OTOF: variants seen among roughly 807,000 people sequenced by gnomAD.
The protein encoded by OTOF is fer-1-like family member 2.
In OTOF, 218 loss-of-function variants were observed where a neutral mutation model predicts 236.8. The observed-to-expected ratio is 0.92, with a 90% CI of 0.82 to 1.03. OTOF has a LOEUF of 1.03. Ranked by LOEUF, OTOF falls within the 50% of genes least tolerant of loss-of-function variation. The probability of loss-of-function intolerance (pLI) is 0.00; values close to 1 mark genes in which losing one functional copy is unlikely to be tolerated. For missense variants in OTOF, 2,590 were observed against 2,694.4 expected (o/e 0.96, Z 0.86); for synonymous variants, 1,041 against 1,072.5 (o/e 0.97, Z 0.57).
chr2:26,553,829 C>T (rs764976094), intron 1 of OTOF, among the ~76,000 whole-genome samples: 5 of 152,300 alleles, frequency 3.3e-5, no homozygotes, highest in African/African-American at 7.2e-5. Context: ...GGCTTACACA[C>T]GCAATCCCTC....
At chr2:26,531,470 A>C (rs2148116600) in intron 2 of OTOF, among the ~76,000 whole-genome samples, 1 of 152,278 alleles carries the variant, frequency 6.6e-6, no homozygotes, top group Middle Eastern at 3.4e-3. Context: ...CGTAAGTGAC[A>C]CAGCACGGCA....
In OTOF at chr2:26,494,773, A is replaced by G. The variant is rs939814; in HGVS notation, c.897+169T>C. Among the ~76,000 whole-genome samples the G allele has an allele frequency of 0.62, 94,704 of 151,894 alleles. 31,420 individuals are homozygous for G. The highest frequency in any genetic ancestry group is 0.91 in the East Asian group (4,673 of 5,152). ...GACTGGGGGGTTCAGAGGATTCAGAAGATGTGGCTCTGTTTGTCAGTGTCC... is the reference window on the plus strand; with the variant it reads ...GACTGGGGGGTTCAGAGGATTCAGAGGATGTGGCTCTGTTTGTCAGTGTCC... On this transcript the variant is annotated intron_variant, in intron 9 of 46. Coordinates refer to ENST00000272371, the MANE Select transcript of OTOF (RefSeq NM_194248.3).
At chr2:26,523,950 C>T (rs561974604) in intron 3 of OTOF, among the ~76,000 whole-genome samples, 10 of 152,214 alleles carry the variant, frequency 6.6e-5, no homozygotes, top group South Asian at 6.2e-4. Flanking sequence ...CTCTCCCACT[C>T]TGACCCCCAC....
At position 26,463,991 on chromosome 2, in the gene OTOF, G is replaced by A. The variant is rs1294737801; in HGVS notation, c.5076C>T (p.Leu1692=). The stretch of plus-strand genomic sequence containing the variant: ...GCTCGATGCCCGGCTTGTCGGGGTT[G>A]AGCAGCGGCCTCGTCTCCACATGCT... ...VPEHVETRPL[L]NPDKPGIEQG... is the part of the protein sequence containing the mutation. Residue 1692 remains leucine (L), a synonymous_variant, in exon 40 of 47, where the codon CTC becomes CTT. Transcript: ENST00000272371. The A allele has an allele frequency of 2.5e-6, 4 of 1,613,680 alleles. No individual in the cohort carries two copies. The highest frequency in any genetic ancestry group is 1.3e-5 in the African/African-American group (1 of 74,932).
At position 26,477,768 on chromosome 2, in the gene OTOF, G is replaced by C. The variant is rs111033427; in HGVS notation, c.2215-19C>G. On this transcript the variant is annotated intron_variant, in intron 18 of 46. Coordinates refer to ENST00000272371, the MANE Select transcript of OTOF (RefSeq NM_194248.3). This position sits in a 1 kb window ranked among gnomAD's most constrained non-coding sequence, Gnocchi z 4.7. ...CTTCTTCCTGTGAATCAGGAGTGTG[G>C]GTGATGCTGGGCCACAGCCCCGCCT... 5.3e-3 allele frequency: 8,484 copies of C among 1,612,286 alleles called. 34 individuals are homozygous for C. Among genetic ancestry groups the C allele is most frequent in the Admixed American group, 7.2e-3 (431 of 59,984 alleles).
At chr2:26,478,038 C>T in intron 18 of OTOF, 1 of 1,439,400 alleles carries the variant, frequency 6.9e-7, no homozygotes. Flanking sequence ...GGGCAGAACT[C>T]ACGGCTACGG....
chr2:26,465,733 G>A lies in OTOF; in HGVS notation c.4738C>T (p.Leu1580=). 1.2e-6 allele frequency: 2 copies of A among 1,614,274 alleles called. No individual in the cohort carries two copies. Among genetic ancestry groups the A allele is most frequent in the Non-Finnish European group, 1.7e-6 (2 of 1,180,048 alleles). The change falls in exon 38 of 47, where the codon CTG becomes TTG. Residue 1580 remains leucine, a synonymous_variant. Coordinates refer to ENST00000272371, the MANE Select transcript of OTOF (RefSeq NM_194248.3). ...TGCTTGCTGTAGAAGCGGTTCTCCAGGTCGATCTTGGTTTCCCCAATGAGG... is the reference window on the plus strand; with the variant it reads ...TGCTTGCTGTAGAAGCGGTTCTCCAAGTCGATCTTGGTTTCCCCAATGAGG... ...DDLIGETKID[L]ENRFYSKHRA...
intron 6 of OTOF, among the ~76,000 whole-genome samples, chr2:26,503,371 C>A (rs1307738923): frequency 2.0e-5 from 3 of 152,266 alleles, no homozygotes; most frequent in Admixed American, 1.3e-4. Flanking sequence ...AAAGGCCAGG[C>A]TGCAGCCTGG....
At chr2:26,533,531 G>T (rs1666999244) in intron 2 of OTOF, among the ~76,000 whole-genome samples, 1 of 151,944 alleles carries the variant, frequency 6.6e-6, no homozygotes, top group African/African-American at 2.4e-5. Flanking sequence ...GGTCTTCTTG[G>T]GCAATTCTCT....
intron 3 of OTOF, among the ~76,000 whole-genome samples, chr2:26,526,695 A>G (rs148479058): frequency 8.5e-4 from 129 of 152,272 alleles, no homozygotes; most frequent in Non-Finnish European, 1.6e-3. Context: ...TCAGATCAGG[A>G]GTGCTTTAAT....
intron 6 of OTOF, 47 bp from the exon 7 acceptor site, chr2:26,502,473 T>C (rs1324224168): frequency 1.9e-6 from 3 of 1,586,816 alleles, no homozygotes; most frequent in Non-Finnish European, 8.6e-7. Context: ...GATGGTGAGA[T>C]AGTGACCATT....
intron 5 of OTOF, among the ~76,000 whole-genome samples, chr2:26,514,377 C>A (rs1229440162): frequency 6.6e-6 from 1 of 152,268 alleles, no homozygotes; most frequent in Non-Finnish European, 1.5e-5. Flanking sequence ...GGTGGGGAAG[C>A]CACCAGGCTG....
chr2:26,544,462 T>C (rs1034370768), intron 1 of OTOF, among the ~76,000 whole-genome samples: 7 of 152,238 alleles, frequency 4.6e-5, no homozygotes, highest in Admixed American at 4.6e-4. Context: ...TGGCTTCTTT[T>C]GGTCAAGGTA....
chr2:26,477,230 C>G lies in OTOF; in HGVS notation c.2465G>C (p.Arg822Pro), dbSNP rs373681505. Reference protein sequence around the residue: ...LRAQVKRHTVRDKLRLCQNFL... With the variant: ...LRAQVKRHTVPDKLRLCQNFL... ...GTTCTGGCACAGCCTCAGCTTGTCC[C>G]GCACCGTGTGCCGCTTCACCTGGGC... is the stretch of plus-strand genomic sequence containing the variant. The change falls in exon 21 of 47, where the codon CGG becomes CCG. Residue 822 changes from arginine (R) to proline (P), a missense_variant. By Grantham distance (103) the Arg-to-Pro change is moderately radical (BLOSUM62 -2). Around this residue, in one of 2 missense-constraint regions of OTOF, gnomAD observed 1,379 missense variants for 1,341.6 expected, o/e 1.03. Coordinates refer to ENST00000272371, the MANE Select transcript of OTOF (RefSeq NM_194248.3). This position sits in a 1 kb window ranked among gnomAD's most constrained non-coding sequence, Gnocchi z 4.7. 6.2e-7 allele frequency: 1 copy of G among 1,610,058 alleles called. No individual in the cohort carries two copies. Among genetic ancestry groups the G allele is most frequent in the Non-Finnish European group, 8.5e-7 (1 of 1,179,350 alleles).
chr2:26,511,279 T>C (rs1266160239), intron 5 of OTOF, among the ~76,000 whole-genome samples: 1 of 151,908 alleles, frequency 6.6e-6, no homozygotes, highest in Non-Finnish European at 1.5e-5. Flanking sequence ...GGTCCTGCTA[T>C]GGAGTGCACA....
intron 5 of OTOF, among the ~76,000 whole-genome samples, chr2:26,504,672 G>C (rs1430836591): frequency 1.3e-5 from 2 of 152,174 alleles, no homozygotes; most frequent in Non-Finnish European, 1.5e-5. Flanking sequence ...AAAGGGGCAG[G>C]GGTCCTCACT....
At chr2:26,502,030 AG>A (rs1666126323) in intron 7 of OTOF, among the ~76,000 whole-genome samples, 4 of 152,286 alleles carry the variant, frequency 2.6e-5, no homozygotes, top group Admixed American at 2.6e-4. Flanking sequence ...TGGGGTCAAT[AG>A]GTTCAAATAT....
At chr2:26,489,093 G>A (rs888876075) in intron 11 of OTOF, 118 bp downstream of exon 11, 25 of 756,392 alleles carry the variant, frequency 3.3e-5, no homozygotes, top group Admixed American at 1.2e-4. Flanking sequence ...ACTAACAGTC[G>A]CCAGACTGTG....
Position 26,463,617 on chromosome 2 carries a change from G to A in OTOF, c.5104-46C>T, listed in dbSNP as rs566114235. On this transcript the variant is annotated intron_variant, in intron 40 of 46. Transcript: ENST00000272371. ...AGATCTCCCAGGGCCTTCTCCCTCT[G>A]CCCAGGAAGATCAGCTCTCCTCTCC... 16 of 1,462,040 alleles carry A rather than the reference G, an allele frequency of 1.1e-5. No individual in the cohort carries two copies. In the South Asian group the frequency reaches 1.6e-4, roughly 14 times the overall value. 90.6% of individuals were successfully genotyped at this position (1,462,040 alleles called of 1,614,324 possible).
Sources: gnomAD v4.1 joint callset for allele counts (sites outside exome capture counted in the v4.1 genomes callset) on GRCh38, gnomAD v4.1.1 for gene constraint, gnomAD v4.1.1 regional missense constraint, Gnocchi (gnomAD v3.1) non-coding constraint, MANE v1.5 for transcripts, NCBI Gene and HGNC (gene_info 2026-07-23, HGNC 2026-07-21) for gene names.